Variants in L3MBTL4 observed in about 807,000 individuals in gnomAD.
L3MBTL4 encodes the protein L3MBTL histone methyl-lysine binding protein 4, also known as lethal(3)malignant brain tumor-like protein 4.
L3MBTL4 carries 70 observed loss-of-function variants against 84.5 expected under a neutral mutation model. The observed-to-expected ratio is 0.83, with a 90% CI of 0.68 to 1.01. L3MBTL4 has a LOEUF of 1.01. Among genes scored for constraint, L3MBTL4 ranks in the 50% least tolerant of loss-of-function variants. L3MBTL4 has a pLI of 0.00. For missense variants in L3MBTL4, 715 were observed against 754.8 expected (o/e 0.95, Z 0.62); for synonymous variants, 274 against 259.8 (o/e 1.05, Z -0.52).
chr18:5,964,780 C>T (rs1249117267), intron 17 of L3MBTL4, among the ~76,000 whole-genome samples: 2 of 152,112 alleles, frequency 1.3e-5, no homozygotes, highest in East Asian at 1.9e-4. Flanking sequence ...GTGCACACCA[C>T]ATATCACGCC....
chr18:6,415,016 A>C (rs1414370173), upstream of L3MBTL4: 1 of 151,804 alleles, frequency 6.6e-6, no homozygotes, highest in East Asian at 1.9e-4. Flanking sequence ...TCAGTGTTCC[A>C]CACCCCGGGG....
At chr18:6,323,951 G>A (rs1432001666) in intron 1 of L3MBTL4, among the ~76,000 whole-genome samples, 2 of 151,934 alleles carry the variant, frequency 1.3e-5, no homozygotes, top group African/African-American at 4.8e-5. Flanking sequence ...GCCAAGGAGG[G>A]AAGAATGGTT....
intron 16 of L3MBTL4, among the ~76,000 whole-genome samples, chr18:6,010,925 C>T (rs920247664): frequency 1.3e-5 from 2 of 152,158 alleles, no homozygotes; most frequent in Non-Finnish European, 2.9e-5. Context: ...TTTAGAATCA[C>T]CCTTCACTTG....
In L3MBTL4 at chr18:6,031,078, T is replaced by C. The variant is rs2055777343; in HGVS notation, c.1444+49803A>G. The stretch of plus-strand genomic sequence containing the variant: ...TAAAACACTTAATACATCCAATTAT[T>C]AATTATAGGAAGCTGGGGTTTGTGA... On this transcript the variant is annotated intron_variant, in intron 16 of 18. Transcript: ENST00000317931. The C allele has an allele frequency of 3.0e-6, 3 of 985,302 alleles. No individual in the cohort carries two copies. The South Asian group carries it at 1.4e-4, about 46-fold the overall frequency. The allele number at this position is 985,302 out of a possible 1,614,324, so 61.0% of individuals were successfully genotyped here. A position where few individuals can be genotyped will look rare whatever the true frequency, so the allele number is the denominator to read the frequency against.
intron 16 of L3MBTL4, among the ~76,000 whole-genome samples, chr18:6,058,687 G>C (rs1244527939): frequency 6.6e-6 from 1 of 152,098 alleles, no homozygotes; most frequent in Non-Finnish European, 1.5e-5. Flanking sequence ...TGCTGTGGGA[G>C]GAATGATGAA....
intron 16 of L3MBTL4, among the ~76,000 whole-genome samples, chr18:6,075,916 A>C (rs752137974): frequency 6.6e-6 from 1 of 152,222 alleles, no homozygotes; most frequent in Non-Finnish European, 1.5e-5. Context: ...CCTCAGAAGG[A>C]AACCAAAATT....
intron 16 of L3MBTL4, among the ~76,000 whole-genome samples, chr18:6,027,809 T>G (rs906169548): frequency 6.6e-6 from 1 of 152,262 alleles, no homozygotes; most frequent in Non-Finnish European, 1.5e-5. Flanking sequence ...TTTTTTCATA[T>G]GTTTGTTGTC....
At chr18:6,195,267 G>A (rs1439304908) in intron 12 of L3MBTL4, among the ~76,000 whole-genome samples, 1 of 152,180 alleles carries the variant, frequency 6.6e-6, no homozygotes, top group Non-Finnish European at 1.5e-5. Context: ...CATGAGCCAT[G>A]TTCTGGAGGA....
At position 6,140,718 on chromosome 18, in the gene L3MBTL4, T is replaced by C. The variant is rs573067742; in HGVS notation, c.1097-2422A>G. 5.9e-5 allele frequency among the ~76,000 whole-genome samples: 9 copies of C among 152,230 alleles called. No homozygotes were observed. The South Asian group carries it at 8.3e-4, about 14-fold the overall frequency. On this transcript the variant is annotated intron_variant, in intron 13 of 18. Coordinates refer to ENST00000317931, the MANE Select transcript of L3MBTL4 (RefSeq NM_001330559.2). ...AGGTATTTTAATCACTCCTTGACTA[T>C]TGACCAACATTTAAACATACTCCAG...
intron 16 of L3MBTL4, among the ~76,000 whole-genome samples, chr18:6,021,232 T>C (rs936461121): frequency 6.6e-6 from 1 of 152,192 alleles, no homozygotes; most frequent in African/African-American, 2.4e-5. Flanking sequence ...GGAGCTAGCC[T>C]GCTGTAGGCT....
chr18:6,160,460 G>A (rs966265942), intron 13 of L3MBTL4, among the ~76,000 whole-genome samples: 6 of 152,188 alleles, frequency 3.9e-5, no homozygotes, highest in Admixed American at 1.3e-4. Context: ...GGCCAGGGGC[G>A]GTGGCTCACG....
At chr18:6,021,451 T>C (rs940263406) in intron 16 of L3MBTL4, among the ~76,000 whole-genome samples, 2 of 152,054 alleles carry the variant, frequency 1.3e-5, no homozygotes, top group African/African-American at 2.4e-5. Context: ...AGACTGAAGG[T>C]GACAAAGAGC....
chr18:6,386,654 T>G (rs1377912868), intron 1 of L3MBTL4, among the ~76,000 whole-genome samples: 1 of 152,012 alleles, frequency 6.6e-6, no homozygotes, highest in African/African-American at 2.4e-5. Flanking sequence ...CTGACCTGTG[T>G]GAAGAGTGTT....
At chr18:6,276,952 A>T (rs892688913) in intron 4 of L3MBTL4, among the ~76,000 whole-genome samples, 2 of 152,176 alleles carry the variant, frequency 1.3e-5, no homozygotes, top group Non-Finnish European at 2.9e-5. Context: ...AACATCCTTC[A>T]AAAATGAGAG....
intron 4 of L3MBTL4, among the ~76,000 whole-genome samples, chr18:6,271,955 T>C (rs1173593592): frequency 6.6e-6 from 1 of 152,134 alleles, no homozygotes; most frequent in Non-Finnish European, 1.5e-5. Context: ...AAAGTCAGAC[T>C]GCAGAGGTCA....
chr18:6,391,752 AACTACTACT>A (rs139560897), intron 1 of L3MBTL4, among the ~76,000 whole-genome samples: 3 of 150,006 alleles, frequency 2.0e-5, no homozygotes, highest in African/African-American at 7.4e-5. Context: ...CAACAACAAC[AACTACTACT>A]ACTACTACTA....
At chr18:6,031,388 G>A (rs1327777579) in intron 16 of L3MBTL4, 34 of 985,276 alleles carry the variant, frequency 3.5e-5, no homozygotes, top group South Asian at 3.3e-4. Context: ...TGTATATGAG[G>A]TGCTACTTCT....
chr18:6,351,661 C>T (rs1279694545), intron 1 of L3MBTL4, among the ~76,000 whole-genome samples: 1 of 151,984 alleles, frequency 6.6e-6, no homozygotes, highest in Non-Finnish European at 1.5e-5. Flanking sequence ...ACGCCATTCT[C>T]CTGCCTCAGC....
At chr18:6,118,997 T>C (rs1286313253) in intron 14 of L3MBTL4, among the ~76,000 whole-genome samples, 3 of 139,638 alleles carry the variant, frequency 2.1e-5, no homozygotes, top group Admixed American at 1.4e-4. Context: ...TGGTTTCTTT[T>C]TTTTTTTTTT....
Sources: gnomAD v4.1 joint callset for allele counts (sites outside exome capture counted in the v4.1 genomes callset) on GRCh38, gnomAD v4.1.1 for gene constraint, MANE v1.5 for transcripts, NCBI Gene and HGNC (gene_info 2026-07-23, HGNC 2026-07-21) for gene names.